GALNT13: variants seen among roughly 807,000 people sequenced by gnomAD.
GALNT13 encodes UDP-GalNAc:polypeptide N-acetylgalactosaminyltransferase 13.
GALNT13 carries 28 observed loss-of-function variants against 64.2 expected under a neutral mutation model. The ratio of observed to expected loss-of-function variants is 0.44; its 90% confidence interval spans 0.32 to 0.60. The LOEUF (loss-of-function observed/expected upper bound fraction) is 0.60. Ranked by LOEUF, GALNT13 falls within the 20% of genes least tolerant of loss-of-function variation. The probability of loss-of-function intolerance (pLI) is 0.05; values close to 1 mark genes in which losing one functional copy is unlikely to be tolerated. For synonymous variants in GALNT13, 214 were observed against 224.6 expected, an observed-to-expected ratio of 0.95 and a Z score of 0.42; for missense variants, 577 against 669.8, an observed-to-expected ratio of 0.86 and a Z score of 1.53.
the GALNT13 span, among the ~76,000 whole-genome samples, chr2:153,328,020 G>A: frequency 6.6e-6 from 1 of 152,104 alleles, no homozygotes; most frequent in Admixed American, 6.5e-5. Context: ...ACTGCTTTCT[G>A]TTTGTTAGTT....
At chr2:153,825,210 CT>C in the GALNT13 span, among the ~76,000 whole-genome samples, 1 of 152,144 alleles carries the variant, frequency 6.6e-6, no homozygotes, top group Non-Finnish European at 1.5e-5. Flanking sequence ...GTCAAAGATG[CT>C]GCTTAATGTT....
chr2:154,132,893 T>TC (rs1682706606), intron 3 of GALNT13, among the ~76,000 whole-genome samples: 1 of 52,772 alleles, frequency 1.9e-5, no homozygotes, highest in South Asian at 1.0e-3. Context: ...AGACTCTGTC[T>TC]CAAAAAAAAA....
chr2:153,540,769 G>T, the GALNT13 span, among the ~76,000 whole-genome samples: 1 of 152,188 alleles, frequency 6.6e-6, no homozygotes, highest in Non-Finnish European at 1.5e-5. Context: ...AAACTTGCAT[G>T]AGGCCTTTGG....
the GALNT13 span, among the ~76,000 whole-genome samples, chr2:153,642,501 G>A: frequency 1.3e-4 from 20 of 151,860 alleles, no homozygotes; most frequent in African/African-American, 4.6e-4. Flanking sequence ...CCATATTGAA[G>A]AAAGGTATAA....
chr2:153,101,981 G>C, the GALNT13 span, among the ~76,000 whole-genome samples: 2 of 152,160 alleles, frequency 1.3e-5, no homozygotes, highest in Admixed American at 6.5e-5. Context: ...ATAATGCATA[G>C]ACATAAATGC....
chr2:153,787,351 A>T, the GALNT13 span, among the ~76,000 whole-genome samples: 4 of 152,206 alleles, frequency 2.6e-5, no homozygotes. Context: ...TCACTAGCAT[A>T]ACCCCCTGTG....
chr2:154,344,139 A>G (rs540828166), intron 9 of GALNT13, among the ~76,000 whole-genome samples: 1 of 152,176 alleles, frequency 6.6e-6, no homozygotes, highest in South Asian at 2.1e-4. Flanking sequence ...AGATAGTGTC[A>G]TTAACCTCAG....
At chr2:153,291,755 A>AC in the GALNT13 span, among the ~76,000 whole-genome samples, 2 of 151,838 alleles carry the variant, frequency 1.3e-5, no homozygotes, top group Admixed American at 6.6e-5. Flanking sequence ...AAAAAAAAAA[A>AC]AAAAAACCTC....
the GALNT13 span, among the ~76,000 whole-genome samples, chr2:153,674,121 A>G: frequency 1.4e-4 from 21 of 152,320 alleles, no homozygotes; most frequent in South Asian, 6.2e-4. Flanking sequence ...AAATGGCCAT[A>G]CTGTGCGAGG....
chr2:153,603,170 A>T, the GALNT13 span, among the ~76,000 whole-genome samples: 3 of 151,944 alleles, frequency 2.0e-5, no homozygotes, highest in Non-Finnish European at 4.4e-5. Flanking sequence ...CCAATGGAAC[A>T]TGAGAAGTAC....
the GALNT13 span, among the ~76,000 whole-genome samples, chr2:153,534,522 C>CTTTT: frequency 7.1e-6 from 1 of 141,322 alleles, no homozygotes; most frequent in African/African-American, 2.7e-5. Flanking sequence ...CTCTTTCTTT[C>CTTTT]TTTCTTTTTT....
the GALNT13 span, among the ~76,000 whole-genome samples, chr2:153,562,598 G>T: frequency 6.6e-6 from 1 of 151,840 alleles, no homozygotes; most frequent in Non-Finnish European, 1.5e-5. Context: ...CAGCAAAGTT[G>T]CTAAAACTTA....
At chr2:154,322,826 C>A (rs752122815) in intron 9 of GALNT13, among the ~76,000 whole-genome samples, 3 of 152,002 alleles carry the variant, frequency 2.0e-5, no homozygotes, top group Non-Finnish European at 2.9e-5. Flanking sequence ...TGACTAAAGT[C>A]CCTCAGTGGT....
At chr2:154,055,031 CTT>C (rs1699828266) in intron 3 of GALNT13, among the ~76,000 whole-genome samples, 1 of 151,834 alleles carries the variant, frequency 6.6e-6, no homozygotes, top group Non-Finnish European at 1.5e-5. Flanking sequence ...AAATTATTCT[CTT>C]TACGCAAAGT....
chr2:153,095,597 T>C, the GALNT13 span, among the ~76,000 whole-genome samples: 1 of 152,186 alleles, frequency 6.6e-6, no homozygotes. Flanking sequence ...CATATGTTTA[T>C]TGCAGCACTA....
At chr2:154,132,894 CAAAA>C in intron 3 of GALNT13, among the ~76,000 whole-genome samples, 1 of 132,514 alleles carries the variant, frequency 7.5e-6, no homozygotes. Context: ...GACTCTGTCT[CAAAA>C]AAAAAAAAAA....
chr2:153,296,355 T>TA, the GALNT13 span, among the ~76,000 whole-genome samples: 8 of 152,236 alleles, frequency 5.3e-5, no homozygotes, highest in South Asian at 1.7e-3. Flanking sequence ...ACCGAGAAAA[T>TA]ACTTCTGATA....
the GALNT13 span, among the ~76,000 whole-genome samples, chr2:153,249,688 A>G: frequency 6.6e-6 from 1 of 152,196 alleles, no homozygotes; most frequent in Non-Finnish European, 1.5e-5. Flanking sequence ...TATATAGACC[A>G]ATGGAACAGA....
At position 153,963,855 on chromosome 2, in the gene GALNT13, G is replaced by C. The variant is rs961634086; in HGVS notation, c.142+19216G>C. Among the ~76,000 whole-genome samples, 4 of 150,722 alleles carry C rather than the reference G, an allele frequency of 2.7e-5. No individual in the cohort carries two copies. The South Asian group carries it at 6.3e-4, about 24-fold the overall frequency. On this transcript the variant is annotated intron_variant, in intron 3 of 12. Transcript: ENST00000392825. ...TTTAAAATTGGATTGCCTGTGGCTT[G>C]CCTTTTTACTTTTCTAAATGAGGTC...
Sources: allele counts gnomAD v4.1 joint callset (sites outside exome capture counted in the v4.1 genomes callset), GRCh38; gene constraint gnomAD v4.1.1; transcripts MANE v1.5; gene names NCBI Gene and HGNC (gene_info 2026-07-23, HGNC 2026-07-21).